CHST8: variants seen among roughly 807,000 people sequenced by gnomAD.
CHST8 encodes carbohydrate sulfotransferase 8, also known as GALNAC-4-ST1.
A neutral mutation model predicts 15.0 loss-of-function variants in CHST8; 10 were observed. That is an observed-to-expected ratio of 0.67 (90% CI 0.41 to 1.13). CHST8 has a LOEUF of 1.13. Ranked by LOEUF, CHST8 falls within the 50% of genes most tolerant of loss-of-function variation. The pLI is 0.00. For missense variants in CHST8, 634 were observed against 608.2 expected (o/e 1.04, Z -0.45); for synonymous variants, 259 against 256.6 (o/e 1.01, Z -0.09).
intron 2 of CHST8, among the ~76,000 whole-genome samples, chr19:33,680,948 G>C (rs773648471): frequency 6.6e-6 from 1 of 152,104 alleles, no homozygotes; most frequent in South Asian, 2.1e-4. Flanking sequence ...AAATAATGCA[G>C]AGAAATCCCA....
intron 1 of CHST8, among the ~76,000 whole-genome samples, chr19:33,631,756 C>A (rs1972124647): frequency 1.3e-5 from 2 of 152,056 alleles, no homozygotes. Flanking sequence ...CCATGGCAAC[C>A]ACTCCCCGCC....
rs144698599 is a variant in CHST8, at chr19:33,665,423, A to G, written c.-163-2344A>G. Among the ~76,000 whole-genome samples the G allele has an allele frequency of 1.7e-3, 258 of 152,358 alleles. 2 individuals are homozygous for G. The highest frequency in any genetic ancestry group is 5.9e-3 in the African/African-American group (247 of 41,578). On this transcript the variant is annotated intron_variant, in intron 1 of 4. Coordinates refer to ENST00000650847, the MANE Select transcript of CHST8 (RefSeq NM_001127895.2). ...TAATGTGAAGGCACCCACAGATGAT[A>G]CAGAACAGGCGTGGCTGTGTTCCAA...
intron 3 of CHST8, among the ~76,000 whole-genome samples, chr19:33,714,579 T>C (rs1376823295): frequency 1.3e-5 from 2 of 151,918 alleles, no homozygotes; most frequent in Non-Finnish European, 2.9e-5. Context: ...ACTAAAAGCC[T>C]GGACTTCACC....
At chr19:33,653,928 G>A (rs1039358286) in intron 1 of CHST8, among the ~76,000 whole-genome samples, 3 of 152,166 alleles carry the variant, frequency 2.0e-5, no homozygotes, top group Non-Finnish European at 4.4e-5. Context: ...AAGTGATCCG[G>A]AAGGACCCTG....
chr19:33,636,656 T>A (rs1972207738), intron 1 of CHST8, among the ~76,000 whole-genome samples: 1 of 152,136 alleles, frequency 6.6e-6, no homozygotes, highest in Non-Finnish European at 1.5e-5. Context: ...ATCCCAGCAC[T>A]TTCAGAGGCC....
chr19:33,703,126 C>T (rs768187580), intron 3 of CHST8, among the ~76,000 whole-genome samples: 7 of 152,216 alleles, frequency 4.6e-5, no homozygotes, highest in African/African-American at 7.2e-5. Flanking sequence ...ACTCCACTCC[C>T]CAAGTGGCAC....
At chr19:33,711,156 G>A (rs2145293864) in intron 3 of CHST8, among the ~76,000 whole-genome samples, 1 of 152,288 alleles carries the variant, frequency 6.6e-6, no homozygotes. Context: ...ACCAGTGTGA[G>A]CCACCATGCC....
chr19:33,632,510 A>C (rs1972135067), intron 1 of CHST8, among the ~76,000 whole-genome samples: 1 of 151,944 alleles, frequency 6.6e-6, no homozygotes, highest in South Asian at 2.1e-4. Flanking sequence ...TCCTGCATGC[A>C]CCATTGTACA....
intron 3 of CHST8, among the ~76,000 whole-genome samples, chr19:33,708,160 A>G (rs779846639): frequency 3.3e-5 from 5 of 152,178 alleles, no homozygotes; most frequent in Admixed American, 1.3e-4. Flanking sequence ...TTGACTTGCA[A>G]ATAACTTATC....
chr19:33,683,593 T>C (rs1484050113), intron 2 of CHST8, among the ~76,000 whole-genome samples: 1 of 152,168 alleles, frequency 6.6e-6, no homozygotes, highest in Non-Finnish European at 1.5e-5. Context: ...GAAACATAGA[T>C]GACCTTTTTA....
intron 2 of CHST8, 24 bp from the exon 3 acceptor site, chr19:33,689,152 G>A (rs917654309): frequency 3.5e-5 from 48 of 1,355,730 alleles, no homozygotes; most frequent in Non-Finnish European, 4.5e-5. Context: ...CCTCGGTGAT[G>A]ACTATCCCTC....
chr19:33,689,406 T>C lies in CHST8; in HGVS notation c.130+15T>C, dbSNP rs374681758. ...GCAGGTGCCAGGTGAGTCCTTGCGCTGAGTCCTGCCATCACTGCCCCCAGC... is the reference window on the plus strand; with the variant it reads ...GCAGGTGCCAGGTGAGTCCTTGCGCCGAGTCCTGCCATCACTGCCCCCAGC... On this transcript the variant is annotated intron_variant, in intron 3 of 4. Transcript: ENST00000650847. 2.4e-4 allele frequency: 384 copies of C among 1,569,258 alleles called. No homozygotes were observed. The highest frequency in any genetic ancestry group is 3.1e-4 in the Non-Finnish European group (360 of 1,161,544).
chr19:33,724,318 G>A (rs907722795), intron 3 of CHST8, among the ~76,000 whole-genome samples: 1 of 152,206 alleles, frequency 6.6e-6, no homozygotes, highest in Non-Finnish European at 1.5e-5. Context: ...TCACTGTGCA[G>A]AAGGGGAAGG....
intron 1 of CHST8, among the ~76,000 whole-genome samples, chr19:33,643,134 C>T (rs1260217363): frequency 1.3e-5 from 2 of 152,170 alleles, no homozygotes; most frequent in Non-Finnish European, 2.9e-5. Context: ...AGGGTATGCC[C>T]GTCTTTAAAA....
At chr19:33,737,004 C>T (rs1379474451) in intron 3 of CHST8, among the ~76,000 whole-genome samples, 3 of 152,122 alleles carry the variant, frequency 2.0e-5, no homozygotes, top group African/African-American at 2.4e-5. Flanking sequence ...CATTAGCATG[C>T]TAAAAGACAT....
At chr19:33,757,631 A>T (rs1974629303) in intron 3 of CHST8, among the ~76,000 whole-genome samples, 1 of 151,338 alleles carries the variant, frequency 6.6e-6, no homozygotes, top group Non-Finnish European at 1.5e-5. Flanking sequence ...GGGAGCAGAA[A>T]GGGGCTCTTG....
chr19:33,683,240 G>A (rs2145247638), intron 2 of CHST8, among the ~76,000 whole-genome samples: 1 of 152,320 alleles, frequency 6.6e-6, no homozygotes, highest in Middle Eastern at 3.4e-3. Context: ...AACCATGTCA[G>A]GGGACAATCA....
At chr19:33,644,347 G>A (rs1416109008) in intron 1 of CHST8, among the ~76,000 whole-genome samples, 1 of 152,148 alleles carries the variant, frequency 6.6e-6, no homozygotes, top group African/African-American at 2.4e-5. Flanking sequence ...TCTAGGCACT[G>A]GGGGATACAG....
chr19:33,649,790 G>T (rs1972410487), intron 1 of CHST8, among the ~76,000 whole-genome samples: 1 of 152,176 alleles, frequency 6.6e-6, no homozygotes, highest in Non-Finnish European at 1.5e-5. Context: ...ACTGAAATCA[G>T]TCTCTTGTCC....
Sources: allele counts gnomAD v4.1 joint callset (sites outside exome capture counted in the v4.1 genomes callset), GRCh38; gene constraint gnomAD v4.1.1; transcripts MANE v1.5; gene names NCBI Gene and HGNC (gene_info 2026-07-23, HGNC 2026-07-21).